PLA2G4C: variants seen among roughly 807,000 people sequenced by gnomAD.
The protein encoded by PLA2G4C is cytosolic phospholipase A2 gamma.
PLA2G4C carries 64 observed loss-of-function variants against 73.8 expected under a neutral mutation model. That is an observed-to-expected ratio of 0.87 (90% CI 0.71 to 1.07). The LOEUF (loss-of-function observed/expected upper bound fraction) is 1.07, where lower values mean the gene tolerates loss of function less well. Among genes scored for constraint, PLA2G4C ranks in the 50% least tolerant of loss-of-function variants. PLA2G4C has a pLI of 0.00. For synonymous variants in PLA2G4C, 254 were observed against 252.1 expected (o/e 1.01, Z -0.07); for missense variants, 622 against 665.4 (o/e 0.93, Z 0.72).
intron 15 of PLA2G4C, among the ~76,000 whole-genome samples, 161 bp from the exon 16 acceptor site, chr19:48,053,308 T>C (rs1454514185): frequency 4.6e-5 from 7 of 151,896 alleles, no homozygotes; most frequent in African/African-American, 1.7e-4. Context: ...TATTGACACA[T>C]GAGGTTATGG....
intron 10 of PLA2G4C, among the ~76,000 whole-genome samples, chr19:48,081,487 G>T (rs1332147584): frequency 6.6e-6 from 1 of 152,176 alleles, no homozygotes; most frequent in Non-Finnish European, 1.5e-5. Context: ...GCCAGGAGTG[G>T]TGGGTCATGC....
At chr19:48,050,307 C>G (rs1967676906) in intron 16 of PLA2G4C, among the ~76,000 whole-genome samples, 1 of 152,144 alleles carries the variant, frequency 6.6e-6, no homozygotes, top group African/African-American at 2.4e-5. Context: ...CCGCCCTGCC[C>G]CATGCCAGGC....
At chr19:48,056,864 TA>T (rs1967963508) in intron 14 of PLA2G4C, among the ~76,000 whole-genome samples, 1 of 143,010 alleles carries the variant, frequency 7.0e-6, no homozygotes, top group East Asian at 2.1e-4. Flanking sequence ...GATAAATGTA[TA>T]AATGTGTTTC....
chr19:48,060,100 G>A (rs1339503047), intron 14 of PLA2G4C, among the ~76,000 whole-genome samples: 1 of 151,906 alleles, frequency 6.6e-6, no homozygotes, highest in Non-Finnish European at 1.5e-5. Flanking sequence ...TTTCGGACTC[G>A]GACTGAGCCA....
At chr19:48,083,159 T>C (rs1052860252) in intron 10 of PLA2G4C, among the ~76,000 whole-genome samples, 40 of 152,184 alleles carry the variant, frequency 2.6e-4, no homozygotes, top group African/African-American at 9.4e-4. Flanking sequence ...AAAAATAATA[T>C]TGACATTTAA....
In PLA2G4C at chr19:48,106,535, A is replaced by T. The variant is rs375263332; in HGVS notation, c.-6T>A. The T allele has an allele frequency of 2.5e-6, 4 of 1,612,844 alleles. No homozygotes were observed. The highest frequency in any genetic ancestry group is 3.4e-6 in the Non-Finnish European group (4 of 1,178,832). Reference sequence around the variant, plus strand: ...AAGAGGACTTACCTTCCCATGGTGCACTGCGGTCAGAAAATTCTCAGTCCT... The same window carrying T: ...AAGAGGACTTACCTTCCCATGGTGCTCTGCGGTCAGAAAATTCTCAGTCCT... On this transcript the variant is annotated 5_prime_UTR_variant, in exon 2 of 17. Coordinates refer to ENST00000599921, the MANE Select transcript of PLA2G4C (RefSeq NM_003706.3).
chr19:48,058,066 A>G (rs1968026228), intron 14 of PLA2G4C, among the ~76,000 whole-genome samples: 1 of 151,106 alleles, frequency 6.6e-6, no homozygotes, highest in African/African-American at 2.4e-5. Context: ...TGGGAGGCTG[A>G]GGTGGGCAGA....
At chr19:48,075,271 C>A (rs567432541) in intron 11 of PLA2G4C, among the ~76,000 whole-genome samples, 1 of 151,216 alleles carries the variant, frequency 6.6e-6, no homozygotes, top group African/African-American at 2.5e-5. Context: ...GCAACCTCTG[C>A]CTCCCAGTTT....
At chr19:48,109,057 T>C (rs979402356) in intron 1 of PLA2G4C, 1 of 152,212 alleles carries the variant, frequency 6.6e-6, no homozygotes, top group Non-Finnish European at 1.5e-5. Flanking sequence ...TTTTGGCCTC[T>C]GCACTAGAAT....
intron 14 of PLA2G4C, among the ~76,000 whole-genome samples, chr19:48,058,080 C>T (rs1968026982): frequency 6.6e-6 from 1 of 151,666 alleles, no homozygotes; most frequent in Non-Finnish European, 1.5e-5. Context: ...GGGCAGATCA[C>T]CTGAGGTCGG....
At chr19:48,053,173 A>G in intron 15 of PLA2G4C, 26 bp from the exon 16 acceptor site, 1 of 1,524,196 alleles carries the variant, frequency 6.6e-7, no homozygotes, top group African/African-American at 1.4e-5. Flanking sequence ...ACCAACAAAG[A>G]AAAGGCATCA....
At chr19:48,093,826 A>G (rs1410109711) in intron 7 of PLA2G4C, among the ~76,000 whole-genome samples, 6 of 152,146 alleles carry the variant, frequency 3.9e-5, no homozygotes, top group Admixed American at 2.0e-4. Flanking sequence ...AGATCCCCCC[A>G]TGCTGTACTC....
intron 16 of PLA2G4C, chr19:48,052,422 C>T (rs1219409701): frequency 6.6e-6 from 1 of 152,366 alleles, no homozygotes; most frequent in African/African-American, 2.4e-5. Context: ...TAGCACTTCC[C>T]GCTTTGCTCT....
At chr19:48,067,700 C>A in intron 13 of PLA2G4C, 91 bp downstream of exon 13, 1 of 863,954 alleles carries the variant, frequency 1.2e-6, no homozygotes, top group Non-Finnish European at 2.0e-6. Flanking sequence ...GAAGGACCAG[C>A]CTGGGATTGT....
At chr19:48,086,677 G>C (rs886654093) in intron 9 of PLA2G4C, among the ~76,000 whole-genome samples, 3 of 152,152 alleles carry the variant, frequency 2.0e-5, no homozygotes, top group Non-Finnish European at 2.9e-5. Flanking sequence ...TGCTCCACCT[G>C]CTGGGTGGAG....
In PLA2G4C at chr19:48,106,550, T is replaced by A; in HGVS notation, c.-21A>T. On this transcript the variant is annotated 5_prime_UTR_variant, in exon 2 of 17. Coordinates refer to ENST00000599921, the MANE Select transcript of PLA2G4C (RefSeq NM_003706.3). ...CCCATGGTGCACTGCGGTCAGAAAA[T>A]TCTCAGTCCTCCTGCCAAAGAAATG... 1 of 1,613,252 alleles carries A rather than the reference T, an allele frequency of 6.2e-7. No individual in the cohort carries two copies. The highest frequency in any genetic ancestry group is 2.2e-5 in the East Asian group (1 of 44,864).
chr19:48,071,464 AT>A (rs1424267100), intron 12 of PLA2G4C, among the ~76,000 whole-genome samples: 1 of 151,160 alleles, frequency 6.6e-6, no homozygotes, highest in Non-Finnish European at 1.5e-5. Flanking sequence ...CGAATTTTGT[AT>A]TTTTGCATTT....
intron 15 of PLA2G4C, among the ~76,000 whole-genome samples, chr19:48,053,874 G>A (rs1967825586): frequency 6.6e-6 from 1 of 152,182 alleles, no homozygotes; most frequent in Non-Finnish European, 1.5e-5. Flanking sequence ...GGCCCCGGAG[G>A]ACCACCCATC....
intron 13 of PLA2G4C, among the ~76,000 whole-genome samples, chr19:48,066,043 C>T (rs953332056): frequency 2.0e-5 from 3 of 151,104 alleles, no homozygotes; most frequent in Non-Finnish European, 2.9e-5. Flanking sequence ...GCTGAGATCG[C>T]GCCATTGCAC....
Sources: gnomAD v4.1 joint callset for allele counts (sites outside exome capture counted in the v4.1 genomes callset) on GRCh38, gnomAD v4.1.1 for gene constraint, MANE v1.5 for transcripts, NCBI Gene and HGNC (gene_info 2026-07-23, HGNC 2026-07-21) for gene names.